Variants in ZNRF1 observed in about 807,000 individuals in gnomAD.
ZNRF1 encodes E3 ubiquitin-protein ligase ZNRF1.
A neutral mutation model predicts 18.4 loss-of-function variants in ZNRF1; 3 were observed. That is an observed-to-expected ratio of 0.16 (90% CI 0.07 to 0.42). ZNRF1 has a LOEUF of 0.42. Among genes scored for constraint, ZNRF1 ranks in the 10% least tolerant of loss-of-function variants. The probability of loss-of-function intolerance (pLI) is 0.99; values close to 1 mark genes in which losing one functional copy is unlikely to be tolerated. For synonymous variants in ZNRF1, 157 were observed against 144.2 expected (o/e 1.09, Z -0.64); for missense variants, 310 against 329.8 (o/e 0.94, Z 0.47).
intron 1 of ZNRF1, among the ~76,000 whole-genome samples, chr16:75,051,065 G>C (rs990216900): frequency 6.7e-6 from 1 of 149,058 alleles, no homozygotes; most frequent in Non-Finnish European, 1.5e-5. Flanking sequence ...CCTGGGTGTC[G>C]TGGCACATGC....
chr16:75,029,029 T>C (rs919102586), intron 1 of ZNRF1, among the ~76,000 whole-genome samples: 1 of 151,864 alleles, frequency 6.6e-6, no homozygotes, highest in Non-Finnish European at 1.5e-5. Flanking sequence ...TATTAGTGGT[T>C]GTAAATACAG....
intron 1 of ZNRF1, among the ~76,000 whole-genome samples, chr16:75,057,246 A>G (rs903214317): frequency 3.3e-5 from 5 of 152,186 alleles, no homozygotes; most frequent in African/African-American, 9.7e-5. Flanking sequence ...TTGCTTATTC[A>G]TGCCAGATTT....
chr16:75,044,530 ATT>A (rs35670893), intron 1 of ZNRF1, among the ~76,000 whole-genome samples: 1 of 143,572 alleles, frequency 7.0e-6, no homozygotes, highest in Admixed American at 6.9e-5. Context: ...GCACCCAGCC[ATT>A]TTTTTTTTTT....
intron 1 of ZNRF1, among the ~76,000 whole-genome samples, chr16:75,026,734 G>A (rs1255039588): frequency 1.3e-5 from 2 of 151,232 alleles, no homozygotes; most frequent in Non-Finnish European, 3.0e-5. Flanking sequence ...CCAGGAGTTC[G>A]AGACCAGCCT....
At chr16:75,066,632 A>G (rs2035807533) in intron 1 of ZNRF1, among the ~76,000 whole-genome samples, 1 of 152,116 alleles carries the variant, frequency 6.6e-6, no homozygotes, top group Non-Finnish European at 1.5e-5. Flanking sequence ...CCTCCTGAGT[A>G]GTTGGGATTA....
At chr16:75,081,883 A>C (rs2036016192) in intron 1 of ZNRF1, among the ~76,000 whole-genome samples, 1 of 152,198 alleles carries the variant, frequency 6.6e-6, no homozygotes, top group Admixed American at 6.5e-5. Context: ...GTTTCCCTGG[A>C]GACTTTACAT....
At position 74,999,490 on chromosome 16, in the gene ZNRF1, C is replaced by CGCCT. The variant is rs939637616; in HGVS notation, c.-177_-174dup. The CGCCT allele has an allele frequency of 5.1e-5, 22 of 435,582 alleles. No homozygotes were observed. Among genetic ancestry groups the CGCCT allele is most frequent in the Middle Eastern group, 5.8e-4 (1 of 1,716 alleles). The allele number at this position is 435,582 out of a possible 1,614,324, so 27.0% of individuals were successfully genotyped here. ...TCTGAGTTTGGGATCCCCGCCCGCC[C>CGCCT]GCCTGCCTCTTCCGCCCCGCGGGTT... is the stretch of plus-strand genomic sequence containing the variant. On this transcript the variant is annotated 5_prime_UTR_variant, in exon 1 of 5. Transcript: ENST00000335325.
chr16:75,095,883 C>T (rs929220818), intron 2 of ZNRF1: 8 of 838,176 alleles, frequency 9.5e-6, no homozygotes, highest in African/African-American at 8.5e-5. Flanking sequence ...CCGGCAGCCT[C>T]ACCCAAGACT....
chr16:75,083,769 G>T (rs1462834195), intron 1 of ZNRF1, among the ~76,000 whole-genome samples: 1 of 152,114 alleles, frequency 6.6e-6, no homozygotes, highest in East Asian at 1.9e-4. Flanking sequence ...AGTTAGAAAG[G>T]CTGCACTCCA....
chr16:75,044,559 T>G, intron 1 of ZNRF1, among the ~76,000 whole-genome samples: 1 of 149,552 alleles, frequency 6.7e-6, no homozygotes, highest in African/African-American at 2.5e-5. Flanking sequence ...GAGATGGGGG[T>G]CTTGCTATAT....
At chr16:75,018,378 T>A (rs1646053827) in intron 1 of ZNRF1, among the ~76,000 whole-genome samples, 1 of 152,202 alleles carries the variant, frequency 6.6e-6, no homozygotes, top group Non-Finnish European at 1.5e-5. Context: ...ATAATGACTG[T>A]TTTGTTTCCT....
intron 1 of ZNRF1, among the ~76,000 whole-genome samples, chr16:75,090,237 C>T (rs1046439476): frequency 1.3e-5 from 2 of 152,204 alleles, no homozygotes; most frequent in African/African-American, 2.4e-5. Flanking sequence ...ACCTCCCCAT[C>T]GAGCTGTGAC....
intron 1 of ZNRF1, among the ~76,000 whole-genome samples, chr16:75,057,972 G>T (rs1331710416): frequency 5.9e-5 from 9 of 152,150 alleles, no homozygotes; most frequent in African/African-American, 2.4e-5. Context: ...GGTGGGCTGT[G>T]TGTGGAGAAA....
chr16:75,078,949 G>A (rs191968525), intron 1 of ZNRF1, among the ~76,000 whole-genome samples: 6 of 152,232 alleles, frequency 3.9e-5, no homozygotes, highest in Admixed American at 3.9e-4. Context: ...TATGAATCAA[G>A]ATTTACAAGG....
intron 1 of ZNRF1, among the ~76,000 whole-genome samples, chr16:75,020,394 G>C (rs1194799313): frequency 1.3e-5 from 2 of 151,916 alleles, no homozygotes; most frequent in Non-Finnish European, 2.9e-5. Context: ...AAAGTATTAT[G>C]ATAGCAATTG....
At chr16:75,037,632 C>T (rs1567474119) in intron 1 of ZNRF1, among the ~76,000 whole-genome samples, 1 of 152,204 alleles carries the variant, frequency 6.6e-6, no homozygotes, top group African/African-American at 2.4e-5. Flanking sequence ...GCCAGCATTC[C>T]TGGCCCACTC....
At chr16:75,070,021 C>G (rs1357370019) in intron 1 of ZNRF1, among the ~76,000 whole-genome samples, 1 of 152,196 alleles carries the variant, frequency 6.6e-6, no homozygotes, top group Non-Finnish European at 1.5e-5. Context: ...ATAACATGTC[C>G]AAGAGAGTAA....
chr16:75,104,227 G>A (rs2036286694), intron 2 of ZNRF1: 1 of 152,428 alleles, frequency 6.6e-6, no homozygotes, highest in Non-Finnish European at 1.5e-5. Context: ...ATATTCCATT[G>A]TGTGGATACA....
At chr16:75,063,270 C>A (rs912700160) in intron 1 of ZNRF1, among the ~76,000 whole-genome samples, 6 of 152,222 alleles carry the variant, frequency 3.9e-5, no homozygotes, top group Non-Finnish European at 7.3e-5. Context: ...CAGGTCATTC[C>A]TCCTACCCTG....
Sources: allele counts gnomAD v4.1 joint callset (sites outside exome capture counted in the v4.1 genomes callset), GRCh38; gene constraint gnomAD v4.1.1; transcripts MANE v1.5; gene names NCBI Gene and HGNC (gene_info 2026-07-23, HGNC 2026-07-21).